Variants in ZNF500 observed in about 807,000 individuals in gnomAD.
ZNF500 encodes the protein zinc finger protein 500.
Under a neutral mutation model 30.1 loss-of-function variants are expected in ZNF500, and 31 were observed. The ratio of observed to expected loss-of-function variants is 1.03; its 90% CI spans 0.77 to 1.39. The LOEUF (loss-of-function observed/expected upper bound fraction) is 1.39, where lower values mean the gene tolerates loss of function less well. ZNF500 is among the 40% of genes most tolerant of loss of function. The probability of loss-of-function intolerance (pLI) is 0.00; values close to 1 mark genes in which losing one functional copy is unlikely to be tolerated. For missense variants in ZNF500, 817 were observed against 657.8 expected, an observed-to-expected ratio of 1.24 and a Z score of -2.65; for synonymous variants, 392 against 282.0, an observed-to-expected ratio of 1.39 and a Z score of -3.91.
intron 5 of ZNF500, 85 bp from the exon 6 acceptor site, chr16:4,753,143 G>A: frequency 6.8e-7 from 1 of 1,469,530 alleles, no homozygotes; most frequent in South Asian, 1.4e-5. Flanking sequence ...AGGCCTCACA[G>A]GGCTCCTAAG....
intron 2 of ZNF500, among the ~76,000 whole-genome samples, chr16:4,764,917 A>G (rs955583178): frequency 1.9e-4 from 29 of 152,152 alleles, no homozygotes; most frequent in African/African-American, 6.5e-4. Flanking sequence ...AGTGCCCCCC[A>G]TGCCCCTGGT....
chr16:4,751,480 A>G lies in ZNF500; in HGVS notation c.*896T>C. 3.2e-6 allele frequency: 4 copies of G among 1,234,344 alleles called. No individual in the cohort carries two copies. The highest frequency in any genetic ancestry group is 4.4e-6 in the Non-Finnish European group (4 of 909,940). The allele number at this position is 1,234,344 out of a possible 1,614,324, so 76.5% of individuals were successfully genotyped here. On this transcript the variant is annotated 3_prime_UTR_variant, in exon 6 of 6. Transcript: ENST00000219478. Reference sequence around the variant, plus strand: ...GCCCCAGGTGTCTTCCGCCCTGCAGAGCAGCTATGGATCTGCAAAGGGGAC... The same window carrying G: ...GCCCCAGGTGTCTTCCGCCCTGCAGGGCAGCTATGGATCTGCAAAGGGGAC...
chr16:4,752,036 C>A lies in ZNF500; in HGVS notation c.*340G>T, dbSNP rs2082084668. ...GCCAGCAGCCACTGGATGCTGGAGG[C>A]AGCTGATGGACCCTCCCAGGCCCTT... On this transcript the variant is annotated 3_prime_UTR_variant, in exon 6 of 6. Coordinates refer to ENST00000219478, the MANE Select transcript of ZNF500 (RefSeq NM_021646.4). 3.2e-6 allele frequency: 4 copies of A among 1,257,690 alleles called. No individual in the cohort carries two copies. The highest frequency in any genetic ancestry group is 4.0e-6 in the Non-Finnish European group (4 of 995,146). The allele number at this position is 1,257,690 out of a possible 1,614,324, so 77.9% of individuals were successfully genotyped here. A position where few individuals can be genotyped will look rare whatever the true frequency, so the allele number is the denominator to read the frequency against.
At chr16:4,753,996 G>T (rs1270497042) in intron 5 of ZNF500, among the ~76,000 whole-genome samples, 2 of 152,224 alleles carry the variant, frequency 1.3e-5, no homozygotes, top group Non-Finnish European at 2.9e-5. Flanking sequence ...GAGGGGCCTG[G>T]AATGATCCAG....
chr16:4,752,989 C>T lies in ZNF500; in HGVS notation c.830G>A (p.Arg277Gln), dbSNP rs561333559. The T allele has an allele frequency of 4.0e-5, 63 of 1,590,932 alleles. No individual in the cohort carries two copies. In the Middle Eastern group the frequency reaches 3.0e-3, roughly 76 times the overall value. Residue 277 changes from arginine to glutamine, a missense_variant, in exon 6 of 6, where the codon CGA (arginine) becomes CAA (glutamine). Transcript: ENST00000219478. ...EDAPLRMEWY[R>Q]VLSARCQGPG... is the part of the protein sequence containing the mutation. ...CCCCTGGCATCGTGCCGAGAGCACT[C>T]GGTACCACTCCATTCTCAACGGGGC...
Position 4,751,616 on chromosome 16 carries a change from G to A in ZNF500, c.*760C>T. 2 of 1,535,336 alleles carry A rather than the reference G, an allele frequency of 1.3e-6. No individual in the cohort carries two copies. The highest frequency in any genetic ancestry group is 1.7e-6 in the Non-Finnish European group (2 of 1,146,742). On this transcript the variant is annotated 3_prime_UTR_variant, in exon 6 of 6. Transcript: ENST00000219478. ...CAGCAGGGCTCCCTGCAGCAGACGAGGGGTCCCTCAAATTCATGTGCACCC... is the reference window on the plus strand; with the variant it reads ...CAGCAGGGCTCCCTGCAGCAGACGAAGGGTCCCTCAAATTCATGTGCACCC...
intron 5 of ZNF500, among the ~76,000 whole-genome samples, chr16:4,758,970 G>T (rs930553611): frequency 6.6e-6 from 1 of 152,178 alleles, no homozygotes; most frequent in African/African-American, 2.4e-5. Context: ...AGCACTTAGG[G>T]AGGCTGAGGC....
downstream of ZNF500, chr16:4,747,700 C>A: frequency 6.8e-7 from 1 of 1,466,880 alleles, no homozygotes; most frequent in East Asian, 2.4e-5. Context: ...CCCGGTGTCC[C>A]CTTGTTGTTC....
At chr16:4,746,774 C>A, downstream of ZNF500, 2 of 785,448 alleles carry the variant, frequency 2.5e-6, no homozygotes, top group Non-Finnish European at 3.9e-6. Flanking sequence ...CCACACCTGT[C>A]CTCACCTCCT....
intron 1 of ZNF500, 90 bp from the exon 2 acceptor site, chr16:4,766,166 C>T: frequency 1.9e-6 from 1 of 526,724 alleles, no homozygotes; most frequent in Non-Finnish European, 3.2e-6. Flanking sequence ...GTTCCAAGGC[C>T]AGCTCACCCC....
Position 4,752,434 on chromosome 16 carries a change from G to C in ZNF500, c.1385C>G (p.Ala462Gly), listed in dbSNP as rs541496786. ...CGGCTGGAGCGTCGGCAAGGAGCCT[G>C]CCCCCATGTGGGTCCGCTGGTGCTT... ...LHKHQRTHMG[A>G]GSLPTLQPVA... The change falls in exon 6 of 6, where the codon GCA becomes GGA. Residue 462 changes from alanine (A) to glycine (G), a missense_variant. By Grantham distance (60) the Ala-to-Gly change is moderately conservative. Coordinates refer to ENST00000219478, the MANE Select transcript of ZNF500 (RefSeq NM_021646.4). The C allele has an allele frequency of 2.0e-6, 3 of 1,537,380 alleles. No homozygotes were observed. The African/African-American group carries it at 4.1e-5, about 21-fold the overall frequency.
At chr16:4,763,351 A>T (rs1259246646) in intron 2 of ZNF500, among the ~76,000 whole-genome samples, 2 of 151,602 alleles carry the variant, frequency 1.3e-5, no homozygotes, top group African/African-American at 4.9e-5. Context: ...GTGAGCCGAG[A>T]TCGTGCCACT....
At chr16:4,763,820 A>C in intron 2 of ZNF500, 1 of 985,394 alleles carries the variant, frequency 1.0e-6, no homozygotes, top group African/African-American at 1.7e-5. Flanking sequence ...GGATTTTCTG[A>C]CTGCGGTCAG....
At chr16:4,763,538 G>C (rs1423082804) in intron 2 of ZNF500, 37 of 985,164 alleles carry the variant, frequency 3.8e-5, no homozygotes, top group Non-Finnish European at 4.5e-5. Flanking sequence ...TTGGACAAGA[G>C]ACATCCCTAG....
At chr16:4,747,516 G>C (rs762845674), downstream of ZNF500, 1 of 1,613,260 alleles carries the variant, frequency 6.2e-7, no homozygotes, top group Non-Finnish European at 8.5e-7. Flanking sequence ...TGTGCCAAGG[G>C]GCAGAGCGCC....
In ZNF500 at chr16:4,765,441, C is replaced by T. The variant is rs1011617348; in HGVS notation, c.414+124G>A. 3.5e-5 allele frequency: 48 copies of T among 1,383,052 alleles called. No homozygotes were observed. In the East Asian group the frequency reaches 3.5e-4, roughly 10 times the overall value. 85.7% of individuals were successfully genotyped at this position (1,383,052 alleles called of 1,614,324 possible). ...CTGAGAAATCTTTTGCAGTTGCTTT[C>T]CTCAAAAGGGCTCAGGGGCCAGGCA... On this transcript the variant is annotated intron_variant, in intron 2 of 5. Coordinates refer to ENST00000219478, the MANE Select transcript of ZNF500 (RefSeq NM_021646.4).
chr16:4,754,453 A>C lies in ZNF500; in HGVS notation c.761-1395T>G, dbSNP rs144757557. On this transcript the variant is annotated intron_variant, in intron 5 of 5. Coordinates refer to ENST00000219478, the MANE Select transcript of ZNF500 (RefSeq NM_021646.4). ...GGAAGGCGGATCACTTGAGGTCAGG[A>C]GTTTGAGACCAGCCTGGCCAACATG... 4.5e-3 allele frequency among the ~76,000 whole-genome samples: 678 copies of C among 152,184 alleles called. 6 individuals carry two copies. The highest frequency in any genetic ancestry group is 0.016 in the African/African-American group (651 of 41,530).
chr16:4,765,945 T>A lies in ZNF500; in HGVS notation c.34A>T (p.Thr12Ser), dbSNP rs754590043. 1 of 1,592,464 alleles carries A rather than the reference T, an allele frequency of 6.3e-7. No individual in the cohort carries two copies. Reference sequence around the variant, plus strand: ...TCCTGTTCCAGGTCCTGCTCCAAGGTTGGCAGGGGCTGGAGGCCAGGGACA... The same window carrying A: ...TCCTGTTCCAGGTCCTGCTCCAAGGATGGCAGGGGCTGGAGGCCAGGGACA... ...ATVPGLQPLP[T>S]LEQDLEQEEI... Residue 12 changes from threonine (T) to serine (S), a missense_variant, in exon 2 of 6, where the codon ACC becomes TCC. Thr to Ser is a moderately conservative substitution (Grantham distance 58). Transcript: ENST00000219478.
At chr16:4,763,622 G>C in intron 2 of ZNF500, 3 of 985,382 alleles carry the variant, frequency 3.0e-6, no homozygotes, top group Non-Finnish European at 3.6e-6. Context: ...CTAAGGGAGC[G>C]TAGTCCCCTT....
Sources: gnomAD v4.1 joint callset for allele counts (sites outside exome capture counted in the v4.1 genomes callset) on GRCh38, gnomAD v4.1.1 for gene constraint, MANE v1.5 for transcripts, NCBI Gene and HGNC (gene_info 2026-07-23, HGNC 2026-07-21) for gene names.